Variants in FAM200B observed in about 807,000 individuals in gnomAD.
FAM200B encodes zinc finger BED-type containing 11, also known as protein FAM200B.
In FAM200B, 32 loss-of-function variants were observed where a neutral mutation model predicts 33.1. The observed-to-expected ratio is 0.97, with a 90% CI of 0.73 to 1.30. FAM200B has a LOEUF of 1.30. Ranked by LOEUF, FAM200B falls within the 50% of genes most tolerant of loss-of-function variation. The pLI, the probability that FAM200B is intolerant of heterozygous loss-of-function variation, is 0.00. For missense variants in FAM200B, 741 were observed against 754.0 expected (o/e 0.98, Z 0.20); for synonymous variants, 240 against 264.8 (o/e 0.91, Z 0.91).
At chr4:15,681,695 C>T (rs13150957), upstream of FAM200B, 36,941 of 152,700 alleles carry the variant, frequency 0.24, 4,729 homozygotes, top group African/African-American at 0.28. Flanking sequence ...CTGCACCGCC[C>T]GCTCCCGGCA....
rs1212997600 is a variant in FAM200B at position 15,689,184 on chromosome 4, C to T, written c.*233C>T. The T allele has an allele frequency of 1.9e-5, 7 of 360,336 alleles. No homozygotes were observed. The highest frequency in any genetic ancestry group is 3.6e-5 in the Non-Finnish European group (7 of 196,054). The allele number at this position is 360,336 out of a possible 1,614,324, so 22.3% of individuals were successfully genotyped here. ...ACAAAAGTGAACAAAACAGGTAATT[C>T]CCTAGTAGAGTTTATATCCTGGCAA... On this transcript the variant is annotated 3_prime_UTR_variant, in exon 2 of 2. Transcript: ENST00000422728.
chr4:15,670,601 A>G, the FAM200B span, among the ~76,000 whole-genome samples: 1,763 of 152,290 alleles, frequency 0.012, 19 homozygotes, highest in Non-Finnish European at 0.019. Flanking sequence ...GTGGTTCTCA[A>G]CTGAAGGCAG....
the FAM200B span, among the ~76,000 whole-genome samples, chr4:15,651,034 G>C: frequency 5.9e-5 from 9 of 152,164 alleles, no homozygotes; most frequent in Non-Finnish European, 1.0e-4. Flanking sequence ...AGACGATACA[G>C]TACATTCAAA....
At chr4:15,642,413 T>G in the FAM200B span, among the ~76,000 whole-genome samples, 1 of 151,938 alleles carries the variant, frequency 6.6e-6, no homozygotes, top group Non-Finnish European at 1.5e-5. Flanking sequence ...TTTTGGTATT[T>G]TTAGTAGAGA....
the FAM200B span, among the ~76,000 whole-genome samples, chr4:15,640,272 G>C: frequency 4.0e-5 from 6 of 151,178 alleles, no homozygotes; most frequent in Non-Finnish European, 5.9e-5. Flanking sequence ...GAACTCGTGA[G>C]TTCAAGCAAT....
chr4:15,682,227 G>A (rs1718368531), intron 1 of FAM200B, among the ~76,000 whole-genome samples: 2 of 152,192 alleles, frequency 1.3e-5, no homozygotes, highest in East Asian at 3.8e-4. Flanking sequence ...ACTAACTAAT[G>A]TGTGCGCAAT....
At chr4:15,684,705 C>G (rs1718662504) in intron 1 of FAM200B, 1 of 152,162 alleles carries the variant, frequency 6.6e-6, no homozygotes, top group Non-Finnish European at 1.5e-5. Context: ...GATGCATTTG[C>G]CTTTAGCAGT....
chr4:15,688,968 C>G lies in FAM200B; in HGVS notation c.*17C>G. 1 of 1,399,258 alleles carries G rather than the reference C, an allele frequency of 7.1e-7. No homozygotes were observed. Among genetic ancestry groups the G allele is most frequent in the Non-Finnish European group, 9.4e-7 (1 of 1,069,174 alleles). The allele number at this position is 1,399,258 out of a possible 1,614,324, so 86.7% of individuals were successfully genotyped here. On this transcript the variant is annotated 3_prime_UTR_variant, in exon 2 of 2. Transcript: ENST00000422728. ...CCATCATAGTAAATAAAAATCTTAC[C>G]TAGCTTTTGTCTTTGTATTTCTTAT... is the stretch of plus-strand genomic sequence containing the variant.
At chr4:15,655,300 A>C in the FAM200B span, 1 of 1,395,112 alleles carries the variant, frequency 7.2e-7, no homozygotes, top group Non-Finnish European at 9.5e-7. Context: ...CCACTGCCTC[A>C]GCCTCCGCCT....
At chr4:15,647,372 G>GA in the FAM200B span, among the ~76,000 whole-genome samples, 5 of 152,030 alleles carry the variant, frequency 3.3e-5, no homozygotes, top group African/African-American at 1.2e-4. Context: ...TGTATGGGAA[G>GA]ATATGTGTAA....
In FAM200B at chr4:15,688,108, T is replaced by C; in HGVS notation, c.1131T>C (p.His377=). The change falls in exon 2 of 2, where the codon CAT becomes CAC. Residue 377 remains histidine, a synonymous_variant. Coordinates refer to ENST00000422728, the MANE Select transcript of FAM200B (RefSeq NM_001145191.2). The part of the protein sequence containing the change: ...ETFCSEIGTN[H]THLLYHTKIR... ...TTTGTTCAGAGATTGGAACTAATCA[T>C]ACCCACTTACTATATCATACCAAAA... 4.5e-6 allele frequency: 7 copies of C among 1,551,356 alleles called. No individual in the cohort carries two copies. The highest frequency in any genetic ancestry group is 6.1e-6 in the Non-Finnish European group (7 of 1,146,776).
upstream of FAM200B, among the ~76,000 whole-genome samples, chr4:15,680,848 A>T (rs866428605): frequency 1.1e-4 from 17 of 151,018 alleles, no homozygotes; most frequent in South Asian, 1.5e-3. Context: ...TTAAGGTAGA[A>T]TTTAAAAAAA....
the FAM200B span, among the ~76,000 whole-genome samples, chr4:15,667,137 T>C: frequency 1.8e-4 from 28 of 152,186 alleles, 1 homozygote; most frequent in Admixed American, 1.8e-3. Flanking sequence ...CTTTAATGAT[T>C]TGAATCATGG....
At chr4:15,644,614 A>G in the FAM200B span, 2 of 1,614,126 alleles carry the variant, frequency 1.2e-6, no homozygotes, top group South Asian at 1.1e-5. Context: ...TTCATTTTCA[A>G]TCTGCTCATG....
intron 1 of FAM200B, chr4:15,685,070 T>C (rs1307751531): frequency 6.6e-6 from 1 of 151,646 alleles, no homozygotes; most frequent in Non-Finnish European, 1.5e-5. Flanking sequence ...TATTAAAAGG[T>C]ATAAAACCTG....
chr4:15,685,740 A>T (rs112293696), intron 1 of FAM200B, among the ~76,000 whole-genome samples: 2 of 152,226 alleles, frequency 1.3e-5, no homozygotes, highest in Non-Finnish European at 1.5e-5. Flanking sequence ...AAATTTTAAT[A>T]AATAAACACT....
chr4:15,651,431 T>C, the FAM200B span, among the ~76,000 whole-genome samples: 31 of 152,354 alleles, frequency 2.0e-4, no homozygotes, highest in African/African-American at 7.0e-4. Context: ...CTTAAGTAGT[T>C]CGTGAAGATT....
chr4:15,684,209 G>T (rs1718615687), intron 1 of FAM200B, among the ~76,000 whole-genome samples: 1 of 152,172 alleles, frequency 6.6e-6, no homozygotes, highest in Non-Finnish European at 1.5e-5. Context: ...CTGGGTTATG[G>T]AATCACACTG....
chr4:15,655,065 T>A, the FAM200B span: 1 of 547,768 alleles, frequency 1.8e-6, no homozygotes, highest in East Asian at 7.0e-5. Context: ...CGGGCGGCGC[T>A]GACAGCTGCG....
Sources: allele counts gnomAD v4.1 joint callset (sites outside exome capture counted in the v4.1 genomes callset), GRCh38; gene constraint gnomAD v4.1.1; transcripts MANE v1.5; gene names NCBI Gene and HGNC (gene_info 2026-07-23, HGNC 2026-07-21).